Variants in ABLIM2 observed in about 807,000 individuals in gnomAD.
ABLIM2 encodes actin binding LIM protein family member 2.
A neutral mutation model predicts 97.7 loss-of-function variants in ABLIM2; 53 were observed. That is an observed-to-expected ratio of 0.54 (90% CI 0.44 to 0.68). The LOEUF is 0.68. ABLIM2 is among the 30% of genes least tolerant of loss of function. The pLI, the probability that ABLIM2 is intolerant of heterozygous loss-of-function variation, is 0.00. For missense variants in ABLIM2, 835 were observed against 867.2 expected (o/e 0.96, Z 0.47); for synonymous variants, 361 against 345.8 (o/e 1.04, Z -0.49).
intron 14 of ABLIM2, chr4:8,010,371 C>G (rs1209765994): frequency 1.0e-6 from 1 of 985,682 alleles, no homozygotes. Context: ...CCGTCTCCGT[C>G]CCCAGCCCGC....
chr4:8,095,056 CTT>C lies in ABLIM2; in HGVS notation c.338+2041_338+2042del, dbSNP rs1276344530. On this transcript the variant is annotated intron_variant, in intron 3 of 20. Transcript: ENST00000447017. This position sits in a 1 kb window ranked among gnomAD's most constrained non-coding sequence, Gnocchi z 4.7. ...TCTTTCCTTCCTTCCTTCTTTCTTT[CTT>C]TCTCTTTCTTTCTTTCTCTCTCTCT... is the stretch of plus-strand genomic sequence containing the variant. Among the ~76,000 whole-genome samples, 3 of 137,970 alleles carry C rather than the reference CTT, an allele frequency of 2.2e-5. No homozygotes were observed. The highest frequency in any genetic ancestry group is 7.9e-5 in the African/African-American group (3 of 37,946). 90.5% of individuals were successfully genotyped at this position (137,970 alleles called of 152,430 possible).
chr4:8,078,572 T>C (rs1414000244), intron 5 of ABLIM2, among the ~76,000 whole-genome samples: 2 of 152,224 alleles, frequency 1.3e-5, no homozygotes, highest in East Asian at 3.9e-4. Context: ...TGGATGGCTG[T>C]GCAGATGTGG....
chr4:8,045,298 A>G, intron 8 of ABLIM2, 57 bp from the exon 9 acceptor site: 1 of 1,475,136 alleles, frequency 6.8e-7, no homozygotes, highest in South Asian at 1.1e-5. Context: ...GGGCCTTCAG[A>G]GGCGACTGTC....
Position 7,986,254 on chromosome 4 carries a change from TAG to T in ABLIM2, c.1681-1363_1681-1362del, listed in dbSNP as rs1232218239. Reference sequence around the variant, plus strand: ...AGTGTTTTCAACGCGAGCTTTGCAGTAGGAAATCAGTGAGGAGCTGGTTACAG... The same window carrying T: ...AGTGTTTTCAACGCGAGCTTTGCAGTGAAATCAGTGAGGAGCTGGTTACAG... On this transcript the variant is annotated intron_variant, in intron 17 of 20. Transcript: ENST00000447017. The surrounding 1 kb of genome is among the most constrained non-coding windows in gnomAD (Gnocchi z 4.3). Among the ~76,000 whole-genome samples, 1 of 151,966 alleles carries T rather than the reference TAG, an allele frequency of 6.6e-6. No homozygotes were observed. The highest frequency in any genetic ancestry group is 1.5e-5 in the Non-Finnish European group (1 of 67,990).
chr4:8,102,414 A>G (rs773343952), intron 2 of ABLIM2, among the ~76,000 whole-genome samples: 13 of 152,148 alleles, frequency 8.5e-5, no homozygotes, highest in Admixed American at 1.3e-4. Context: ...TTTATTCTTT[A>G]TCATGTTTAT....
chr4:7,984,958 G>A (rs1742500244), intron 17 of ABLIM2, 65 bp from the exon 18 acceptor site: 1 of 1,550,598 alleles, frequency 6.4e-7, no homozygotes, highest in African/African-American at 1.4e-5. Context: ...GATGGGCAGG[G>A]ACCAGGAGAT....
intron 2 of ABLIM2, among the ~76,000 whole-genome samples, chr4:8,105,430 C>T (rs1348564307): frequency 1.3e-5 from 2 of 152,266 alleles, no homozygotes; most frequent in Non-Finnish European, 2.9e-5. Context: ...GCCTGGCGCA[C>T]AGCAGGGCCT....
rs760546340 is a variant in ABLIM2, at chr4:8,005,283, G to A, written c.1618+2776C>T. 12 of 525,274 alleles carry A rather than the reference G, an allele frequency of 2.3e-5. No individual in the cohort carries two copies. The highest frequency in any genetic ancestry group is 1.4e-4 in the South Asian group (10 of 71,392). The allele number at this position is 525,274 out of a possible 1,614,324, so 32.5% of individuals were successfully genotyped here. A position where few individuals can be genotyped will look rare whatever the true frequency, so the allele number is the denominator to read the frequency against. ...TCTTGTCTTCTCTGTCCCCCTCGGCGCCCCGCTCAGCGTCTGGCACAGAGT... is the reference window on the plus strand; with the variant it reads ...TCTTGTCTTCTCTGTCCCCCTCGGCACCCCGCTCAGCGTCTGGCACAGAGT... On this transcript the variant is annotated intron_variant, in intron 16 of 20. Transcript: ENST00000447017. The surrounding 1 kb of genome is among the most constrained non-coding windows in gnomAD (Gnocchi z 4.9).
At chr4:7,997,599 A>C (rs1319011374) in intron 16 of ABLIM2, among the ~76,000 whole-genome samples, 2 of 151,706 alleles carry the variant, frequency 1.3e-5, no homozygotes, top group Non-Finnish European at 2.9e-5. Context: ...TTCCATTTTC[A>C]TATAGCTTAT....
At chr4:8,030,043 T>A (rs564285480) in intron 10 of ABLIM2, among the ~76,000 whole-genome samples, 3 of 152,224 alleles carry the variant, frequency 2.0e-5, no homozygotes. Context: ...ATCCCCCATC[T>A]TCCCCTCCTG....
In ABLIM2 at chr4:8,097,218, C is replaced by A; in HGVS notation, c.219G>T (p.Leu73=). The change falls in exon 3 of 21, where the codon CTG becomes CTT. Residue 73 remains leucine (L), a synonymous_variant. Transcript: ENST00000447017. The part of the protein sequence containing the change: ...FVRQGEYICT[L]DYQRLYGTRC... ...GGGTGCCGTAGAGCCTCTGGTAGTC[C>A]AGCGTGCAGATGTACTCGCCCTGCC... is the stretch of plus-strand genomic sequence containing the variant. The A allele has an allele frequency of 6.3e-7, 1 of 1,585,116 alleles. No individual in the cohort carries two copies. The highest frequency in any genetic ancestry group is 1.8e-5 in the Admixed American group (1 of 55,596).
At chr4:8,025,653 G>T (rs1344140459) in intron 12 of ABLIM2, among the ~76,000 whole-genome samples, 1 of 152,134 alleles carries the variant, frequency 6.6e-6, no homozygotes, top group Non-Finnish European at 1.5e-5. Context: ...GGGGAGGGTC[G>T]CCAGGGCTGG....
intron 1 of ABLIM2, among the ~76,000 whole-genome samples, chr4:8,153,967 T>TTC (rs1561648463): frequency 1.3e-5 from 2 of 148,684 alleles, no homozygotes; most frequent in African/African-American, 2.5e-5. Context: ...TCTTTTCTTT[T>TTC]TTTTTTTTTT....
At position 8,125,980 on chromosome 4, in the gene ABLIM2, C is replaced by T. The variant is rs2152911452; in HGVS notation, c.11-19343G>A. ...ACCCTGGGAGGGGGAAGCCACACAGCCAACCCGCTTTTTCTGGGGGCCTCA... is the reference window on the plus strand; with the variant it reads ...ACCCTGGGAGGGGGAAGCCACACAGTCAACCCGCTTTTTCTGGGGGCCTCA... On this transcript the variant is annotated intron_variant, in intron 1 of 20. Coordinates refer to ENST00000447017, the MANE Select transcript of ABLIM2 (RefSeq NM_001130083.2). This position sits in a 1 kb window ranked among gnomAD's most constrained non-coding sequence, Gnocchi z 6.2. Among the ~76,000 whole-genome samples the T allele has an allele frequency of 6.6e-6, 1 of 152,276 alleles. No homozygotes were observed. The highest frequency in any genetic ancestry group is 2.4e-5 in the African/African-American group (1 of 41,548).
Position 8,005,181 on chromosome 4 carries a change from G to A in ABLIM2, c.1618+2878C>T, listed in dbSNP as rs1051677349. On this transcript the variant is annotated intron_variant, in intron 16 of 20. Coordinates refer to ENST00000447017, the MANE Select transcript of ABLIM2 (RefSeq NM_001130083.2). The surrounding 1 kb of genome is among the most constrained non-coding windows in gnomAD (Gnocchi z 4.9). ...AGGTGCCCGGCGGGCAGGCGGCGGC[G>A]GGATGCGTGTGCGCTCGCTCTGTCG... 11 of 390,868 alleles carry A rather than the reference G, an allele frequency of 2.8e-5. No individual in the cohort carries two copies. The highest frequency in any genetic ancestry group is 7.6e-5 in the South Asian group (4 of 52,652). 24.2% of individuals were successfully genotyped at this position (390,868 alleles called of 1,614,324 possible). A position where few individuals can be genotyped will look rare whatever the true frequency, so the allele number is the denominator to read the frequency against.
Position 7,992,724 on chromosome 4 carries a change from G to A in ABLIM2, c.1680+142C>T. On this transcript the variant is annotated intron_variant, in intron 17 of 20. Transcript: ENST00000447017. The surrounding 1 kb of genome is among the most constrained non-coding windows in gnomAD (Gnocchi z 5.7). Reference sequence around the variant, plus strand: ...GCAGTGGTGGCAGTGGCAGCCCCTGGGAAGGGCATCAGGCAGAGGCAGGTG... The same window carrying A: ...GCAGTGGTGGCAGTGGCAGCCCCTGAGAAGGGCATCAGGCAGAGGCAGGTG... The A allele has an allele frequency of 2.3e-6, 2 of 856,946 alleles. No homozygotes were observed. Among genetic ancestry groups the A allele is most frequent in the Admixed American group, 2.1e-5 (1 of 47,178 alleles). 53.1% of individuals were successfully genotyped at this position (856,946 alleles called of 1,614,324 possible).
In ABLIM2 at chr4:8,120,956, T is replaced by G. The variant is rs1845138804; in HGVS notation, c.11-14319A>C. Among the ~76,000 whole-genome samples the G allele has an allele frequency of 6.6e-6, 1 of 152,194 alleles. No homozygotes were observed. The highest frequency in any genetic ancestry group is 1.5e-5 in the Non-Finnish European group (1 of 68,040). On this transcript the variant is annotated intron_variant, in intron 1 of 20. Transcript: ENST00000447017. The surrounding 1 kb of genome is among the most constrained non-coding windows in gnomAD (Gnocchi z 5.6). ...TCAGAGAAAGATCGAAATTCAAAAT[T>G]CAAAGTATGGTTTCTACTGAATGCA...
Position 8,075,596 on chromosome 4 carries a change from G to C in ABLIM2, c.675+2032C>G, listed in dbSNP as rs1815508701. On this transcript the variant is annotated intron_variant, in intron 6 of 20. Transcript: ENST00000447017. The surrounding 1 kb of genome is among the most constrained non-coding windows in gnomAD (Gnocchi z 4.4). The stretch of plus-strand genomic sequence containing the variant: ...TAGTCCCAGCTGGTCGGGAGGCTGA[G>C]GTGGAAGGATCACTTAAGCCTGGGA... Among the ~76,000 whole-genome samples the C allele has an allele frequency of 6.6e-6, 1 of 152,158 alleles. No homozygotes were observed. The highest frequency in any genetic ancestry group is 2.4e-5 in the African/African-American group (1 of 41,442).
chr4:8,083,822 A>G lies in ABLIM2; in HGVS notation c.455-3020T>C, dbSNP rs1821479894. Reference sequence around the variant, plus strand: ...CCCGTACATCCTGGTTGGCACTGCCATCAGCAGCAATGGCATAACCCTCCT... The same window carrying G: ...CCCGTACATCCTGGTTGGCACTGCCGTCAGCAGCAATGGCATAACCCTCCT... On this transcript the variant is annotated intron_variant, in intron 4 of 20. Coordinates refer to ENST00000447017, the MANE Select transcript of ABLIM2 (RefSeq NM_001130083.2). The surrounding 1 kb of genome is among the most constrained non-coding windows in gnomAD (Gnocchi z 4.6). Among the ~76,000 whole-genome samples the G allele has an allele frequency of 6.6e-6, 1 of 152,192 alleles. No individual in the cohort carries two copies. Among genetic ancestry groups the G allele is most frequent in the South Asian group, 2.1e-4 (1 of 4,832 alleles).
Sources: allele counts gnomAD v4.1 joint callset (sites outside exome capture counted in the v4.1 genomes callset), GRCh38; gene constraint gnomAD v4.1.1; non-coding constraint Gnocchi (gnomAD v3.1); transcripts MANE v1.5; gene names NCBI Gene and HGNC (gene_info 2026-07-23, HGNC 2026-07-21).